COG2: variants seen among roughly 807,000 people sequenced by gnomAD.
The protein encoded by COG2 is conserved oligomeric Golgi complex subunit 2.
In COG2, 52 loss-of-function variants were observed where a neutral mutation model predicts 90.6. The ratio of observed to expected loss-of-function variants is 0.57; its 90% confidence interval spans 0.46 to 0.72. The LOEUF (loss-of-function observed/expected upper bound fraction) is 0.72, where lower values mean the gene tolerates loss of function less well. Among genes scored for constraint, COG2 ranks in the 30% least tolerant of loss-of-function variants. The probability of loss-of-function intolerance (pLI) is 0.00; values close to 1 mark genes in which losing one functional copy is unlikely to be tolerated. For missense variants in COG2, 829 were observed against 891.2 expected (o/e 0.93, Z 0.89); for synonymous variants, 337 against 320.4 (o/e 1.05, Z -0.55).
chr1:230,659,102 A>G (rs1367692805), intron 1 of COG2, among the ~76,000 whole-genome samples: 3 of 152,132 alleles, frequency 2.0e-5, no homozygotes, highest in Non-Finnish European at 2.9e-5. Flanking sequence ...GGATATTTTT[A>G]ATATAATTCT....
chr1:230,646,835 C>T (rs1022785480), intron 1 of COG2, among the ~76,000 whole-genome samples: 11 of 152,064 alleles, frequency 7.2e-5, no homozygotes, highest in African/African-American at 2.7e-4. Context: ...TAACACCTCT[C>T]TCCTTCACAT....
At chr1:230,676,651 C>T (rs1183435323) in intron 9 of COG2, among the ~76,000 whole-genome samples, 1 of 152,132 alleles carries the variant, frequency 6.6e-6, no homozygotes, top group Admixed American at 6.5e-5. Context: ...AATGTCAGCT[C>T]ATCCTTCTTG....
intron 1 of COG2, among the ~76,000 whole-genome samples, chr1:230,657,707 C>T (rs61828615): frequency 0.07 from 10,724 of 152,198 alleles, 510 homozygotes; most frequent in Non-Finnish European, 0.11. Flanking sequence ...GTACACCAGT[C>T]GAACGCAGAT....
chr1:230,642,769 C>A (rs556385700), intron 1 of COG2, 91 bp downstream of exon 1: 2 of 1,252,970 alleles, frequency 1.6e-6, no homozygotes, highest in South Asian at 1.4e-5. Flanking sequence ...GCTGCTCCTG[C>A]CTGCGCACGC....
chr1:230,690,323 C>G, intron 16 of COG2, 170 bp downstream of exon 16: 1 of 565,768 alleles, frequency 1.8e-6, no homozygotes. Context: ...CTCCCCACAC[C>G]CTTGTGGACG....
In COG2 at chr1:230,687,111, C is replaced by T. The variant is rs1662903263; in HGVS notation, c.1557C>T (p.Asp519=). The part of the protein sequence containing the change: ...SRTQLVYVVA[D]LDKLQEQLPE... Reference sequence around the variant, plus strand: ...CTCAGCTCGTGTATGTGGTTGCAGACCTGGACAAGCTTCAGGAGCAGGTAA... The same window carrying T: ...CTCAGCTCGTGTATGTGGTTGCAGATCTGGACAAGCTTCAGGAGCAGGTAA... The change falls in exon 13 of 18, where the codon GAC becomes GAT. Residue 519 remains aspartate, a synonymous_variant. Transcript: ENST00000366669. The T allele has an allele frequency of 1.9e-6, 3 of 1,611,576 alleles. No individual in the cohort carries two copies. Among genetic ancestry groups the T allele is most frequent in the Non-Finnish European group, 2.5e-6 (3 of 1,178,668 alleles).
intron 9 of COG2, among the ~76,000 whole-genome samples, chr1:230,677,299 T>A (rs1229175814): frequency 6.6e-6 from 1 of 152,206 alleles, no homozygotes; most frequent in African/African-American, 2.4e-5. Context: ...ATTTGTTGTT[T>A]GTCTAGCCTC....
chr1:230,690,378 G>C (rs114607579), intron 16 of COG2: 20 of 444,426 alleles, frequency 4.5e-5, no homozygotes, highest in South Asian at 4.3e-4. Flanking sequence ...CCTCGGGGCC[G>C]GGCCATGTGC....
intron 5 of COG2, among the ~76,000 whole-genome samples, chr1:230,665,946 T>A (rs1662309179): frequency 6.6e-6 from 1 of 152,164 alleles, no homozygotes; most frequent in Non-Finnish European, 1.5e-5. Context: ...CCACTGCCCT[T>A]TTTCATGCCA....
intron 3 of COG2, among the ~76,000 whole-genome samples, chr1:230,662,078 A>C (rs1662194738): frequency 6.6e-6 from 1 of 151,692 alleles, no homozygotes; most frequent in African/African-American, 2.4e-5. Context: ...TCTCCCATGG[A>C]GGTGGATTCA....
At position 230,642,501 on chromosome 1, in the gene COG2, C is replaced by A; in HGVS notation, c.-106C>A. ...CTGCCATGTTGGCGGAAGCGGACCC[C>A]CCTGTGCCGTGGAAACTGGCGGTGG... On this transcript the variant is annotated 5_prime_UTR_variant, in exon 1 of 18. Transcript: ENST00000366669. 1 of 1,120,082 alleles carries A rather than the reference C, an allele frequency of 8.9e-7. No homozygotes were observed. The highest frequency in any genetic ancestry group is 1.3e-6 in the Non-Finnish European group (1 of 765,446). 69.4% of individuals were successfully genotyped at this position (1,120,082 alleles called of 1,614,324 possible). A position where few individuals can be genotyped will look rare whatever the true frequency, so the allele number is the denominator to read the frequency against.
In COG2 at chr1:230,659,759, G is replaced by A. The variant is rs1275547589; in HGVS notation, c.234+134G>A. 5.0e-6 allele frequency: 4 copies of A among 807,006 alleles called. No homozygotes were observed. In the African/African-American group the frequency reaches 7.1e-5, roughly 14 times the overall value. 50.0% of individuals were successfully genotyped at this position (807,006 alleles called of 1,614,324 possible). On this transcript the variant is annotated intron_variant, in intron 2 of 17. Coordinates refer to ENST00000366669, the MANE Select transcript of COG2 (RefSeq NM_007357.3). ...ACAGAAATTTGAAGAGATCCCTAATGTCATCAATAAAATAACCAAACTTTC... is the reference window on the plus strand; with the variant it reads ...ACAGAAATTTGAAGAGATCCCTAATATCATCAATAAAATAACCAAACTTTC...
chr1:230,684,011 C>G (rs1187489081), intron 11 of COG2, among the ~76,000 whole-genome samples: 1 of 151,992 alleles, frequency 6.6e-6, no homozygotes, highest in African/African-American at 2.4e-5. Context: ...AGGCTGGTCT[C>G]GAACTCTGAC....
In COG2 at chr1:230,642,896, A is replaced by G. The variant is rs1302031440; in HGVS notation, c.72+218A>G. 1.1e-5 allele frequency: 6 copies of G among 543,382 alleles called. No homozygotes were observed. The African/African-American group carries it at 1.2e-4, about 11-fold the overall frequency. 33.7% of individuals were successfully genotyped at this position (543,382 alleles called of 1,614,324 possible). ...CTGTAAAATCGTGCGTGTTACATGG[A>G]AAGGCCTGAAAGTTCTGGGCAAGTG... is the stretch of plus-strand genomic sequence containing the variant. On this transcript the variant is annotated intron_variant, in intron 1 of 17. Coordinates refer to ENST00000366669, the MANE Select transcript of COG2 (RefSeq NM_007357.3).
intron 1 of COG2, among the ~76,000 whole-genome samples, chr1:230,648,994 A>G (rs1385147907): frequency 6.6e-6 from 1 of 152,210 alleles, no homozygotes; most frequent in Admixed American, 6.5e-5. Context: ...ACAGAGCACA[A>G]ATATTTGTTA....
intron 1 of COG2, among the ~76,000 whole-genome samples, chr1:230,648,510 T>C (rs888060032): frequency 1.3e-5 from 2 of 152,248 alleles, no homozygotes; most frequent in Non-Finnish European, 2.9e-5. Context: ...GTGAAATACT[T>C]TTCTTGATGG....
rs752456192 is a variant in COG2, at chr1:230,642,632, C to A, written c.26C>A (p.Pro9His). ...ATGGAGAAAAGTAGGATGAACCTGC[C>A]CAAGGGGCCGGACACGCTCTGCTTC... MEKSRMNL[P>H]KGPDTLCFDK... is the part of the protein sequence containing the mutation. The change falls in exon 1 of 18, where the codon CCC becomes CAC. Residue 9 changes from proline to histidine, a missense_variant. Transcript: ENST00000366669. 6.2e-7 allele frequency: 1 copy of A among 1,613,150 alleles called. No individual in the cohort carries two copies. The highest frequency in any genetic ancestry group is 8.5e-7 in the Non-Finnish European group (1 of 1,179,682).
At chr1:230,679,150 GA>G (rs1662671903) in intron 10 of COG2, 98 bp downstream of exon 10, 3 of 1,182,088 alleles carry the variant, frequency 2.5e-6, no homozygotes, top group Non-Finnish European at 3.5e-6. Flanking sequence ...CCTTTTCTCT[GA>G]TCATCATAAT....
chr1:230,671,700 T>TA, intron 8 of COG2, 60 bp downstream of exon 8: 8 of 1,500,748 alleles, frequency 5.3e-6, no homozygotes, highest in Non-Finnish European at 7.3e-6. Context: ...ACCTGCTAAT[T>TA]GCAGGTGCAC....
Sources: allele counts gnomAD v4.1 joint callset (sites outside exome capture counted in the v4.1 genomes callset), GRCh38; gene constraint gnomAD v4.1.1; transcripts MANE v1.5; gene names NCBI Gene and HGNC (gene_info 2026-07-23, HGNC 2026-07-21).